BRD1: variants seen among roughly 807,000 people sequenced by gnomAD.
The protein encoded by BRD1 is bromodomain containing 1.
In BRD1, 24 loss-of-function variants were observed where a neutral mutation model predicts 107.7. The ratio of observed to expected loss-of-function variants is 0.22; its 90% confidence interval spans 0.16 to 0.31. The LOEUF is 0.31. Ranked by LOEUF, BRD1 falls within the 10% of genes least tolerant of loss-of-function variation. BRD1 has a pLI of 1.00. For synonymous variants in BRD1, 744 were observed against 686.1 expected, an observed-to-expected ratio of 1.08 and a Z score of -1.32; for missense variants, 1,279 against 1,638.6, an observed-to-expected ratio of 0.78 and a Z score of 3.79.
rs571392687 is a variant in BRD1 at position 49,825,144 on chromosome 22, G to A, written c.-14-813C>T. ...CTCCTCAAGCCCCACTGAGACCATG[G>A]TGCTGGCCACGTCCTCCTCCTTCCA... On this transcript the variant is annotated intron_variant, in intron 1 of 12. Coordinates refer to ENST00000404760, the MANE Select transcript of BRD1 (RefSeq NM_001304808.3). Among the ~76,000 whole-genome samples the A allele has an allele frequency of 5.3e-5, 8 of 152,278 alleles. No homozygotes were observed. In the South Asian group the frequency reaches 1.5e-3, roughly 28 times the overall value.
intron 3 of BRD1, among the ~76,000 whole-genome samples, chr22:49,802,817 G>T (rs2059666803): frequency 6.6e-6 from 1 of 152,276 alleles, no homozygotes; most frequent in Non-Finnish European, 1.5e-5. Flanking sequence ...AGGCTACGAG[G>T]TGAGGACAGA....
intron 7 of BRD1, among the ~76,000 whole-genome samples, chr22:49,788,192 CTG>C (rs2059366123): frequency 6.6e-6 from 1 of 152,190 alleles, no homozygotes; most frequent in African/African-American, 2.4e-5. Flanking sequence ...ATGACAGTTT[CTG>C]CAATGAATAA....
At position 49,787,846 on chromosome 22, in the gene BRD1, G is replaced by A. The variant is rs1484775359; in HGVS notation, c.2401C>T (p.Pro801Ser). The change falls in exon 8 of 13, where the codon CCT becomes TCT. Residue 801 changes from proline to serine, a missense_variant. Around this residue, in one of 7 missense-constraint regions of BRD1, gnomAD observed 406 missense variants for 519.4 expected, o/e 0.78. Coordinates refer to ENST00000404760, the MANE Select transcript of BRD1 (RefSeq NM_001304808.3). ...PPKLEPSDAL[P>S]LPSNSETNSE... The stretch of plus-strand genomic sequence containing the variant: ...TTAGTCTCCGAGTTTGAAGGAAGAG[G>A]TAATGCATCTGATGGTTCAAGTTTA... 3 of 1,548,856 alleles carry A rather than the reference G, an allele frequency of 1.9e-6. No homozygotes were observed. Among genetic ancestry groups the A allele is most frequent in the Non-Finnish European group, 2.6e-6 (3 of 1,145,570 alleles).
In BRD1 at chr22:49,794,048, T is replaced by G. The variant is rs2059484755; in HGVS notation, c.2345A>C (p.Glu782Ala). ...FEEDGAALGP[E>A]AGEEGDKSPP... is the part of the protein sequence containing the mutation. ...CCGTGGCTTACCTTCCTCGCCCGCC[T>G]CCGGCCCCAGCGCAGCTCCGTCCTC... The change falls in exon 7 of 13, where the codon GAG (glutamate) becomes GCG (alanine). Residue 782 changes from glutamate to alanine, a missense_variant. Transcript: ENST00000404760. 4 of 1,612,930 alleles carry G rather than the reference T, an allele frequency of 2.5e-6. No individual in the cohort carries two copies. In the East Asian group the frequency reaches 8.9e-5, roughly 36 times the overall value.
At chr22:49,801,147 C>T (rs549265120) in intron 3 of BRD1, among the ~76,000 whole-genome samples, 3 of 152,224 alleles carry the variant, frequency 2.0e-5, no homozygotes, top group African/African-American at 7.2e-5. Context: ...CTGCAGGATG[C>T]GCTCCCAGGA....
At chr22:49,800,838 C>T (rs1356241683) in intron 3 of BRD1, among the ~76,000 whole-genome samples, 4 of 152,242 alleles carry the variant, frequency 2.6e-5, no homozygotes, top group African/African-American at 4.8e-5. Context: ...TCCCCACTGC[C>T]GGGAAGAAGC....
At chr22:49,797,503 C>T (rs904760484) in intron 6 of BRD1, among the ~76,000 whole-genome samples, 2 of 152,112 alleles carry the variant, frequency 1.3e-5, no homozygotes, top group Non-Finnish European at 2.9e-5. Context: ...AGGTGCTGAG[C>T]GTAAAATACA....
chr22:49,807,842 A>C (rs2059773793), intron 2 of BRD1, among the ~76,000 whole-genome samples: 1 of 152,248 alleles, frequency 6.6e-6, no homozygotes, highest in African/African-American at 2.4e-5. Flanking sequence ...CGTATCTGAA[A>C]TGGGATTAAT....
Position 49,819,777 on chromosome 22 carries a change from G to A in BRD1, c.1367+3174C>T, listed in dbSNP as rs1231718811. Among the ~76,000 whole-genome samples, 5 of 151,974 alleles carry A rather than the reference G, an allele frequency of 3.3e-5. No individual in the cohort carries two copies. In the South Asian group the frequency reaches 8.3e-4, roughly 25 times the overall value. On this transcript the variant is annotated intron_variant, in intron 2 of 12. Transcript: ENST00000404760. Reference sequence around the variant, plus strand: ...CTGTTTTTCAAAGTGTTTATTTACCGCTGTTATTATTTAATCATAGTATAT... The same window carrying A: ...CTGTTTTTCAAAGTGTTTATTTACCACTGTTATTATTTAATCATAGTATAT...
rs190921024 is a variant in BRD1, at chr22:49,794,908, A to G, written c.2099-614T>C. Among the ~76,000 whole-genome samples, 311 of 152,350 alleles carry G rather than the reference A, an allele frequency of 2.0e-3. 2 individuals are homozygous for G. The highest frequency in any genetic ancestry group is 3.6e-3 in the Non-Finnish European group (244 of 68,040). On this transcript the variant is annotated intron_variant, in intron 6 of 12. Coordinates refer to ENST00000404760, the MANE Select transcript of BRD1 (RefSeq NM_001304808.3). ...CTTTCAAAAACACCAAAATTTATAA[A>G]GCACAAATTACCTTAAATAAGTAAG...
intron 1 of BRD1, among the ~76,000 whole-genome samples, chr22:49,827,119 T>C (rs977557049): frequency 2.0e-5 from 3 of 150,200 alleles, no homozygotes; most frequent in Non-Finnish European, 4.4e-5. Flanking sequence ...CCCGGCCGGC[T>C]CGGCGGCTGC....
intron 8 of BRD1, among the ~76,000 whole-genome samples, chr22:49,779,635 C>A (rs983485090): frequency 2.1e-4 from 32 of 152,206 alleles, no homozygotes; most frequent in African/African-American, 7.7e-4. Context: ...GAGCCACACG[C>A]TGAGCTGCCC....
At position 49,823,524 on chromosome 22, in the gene BRD1, C is replaced by G. The variant is rs1474953282; in HGVS notation, c.794G>C (p.Arg265Pro). 6.2e-7 allele frequency: 1 copy of G among 1,601,012 alleles called. No homozygotes were observed. Among genetic ancestry groups the G allele is most frequent in the Admixed American group, 1.7e-5 (1 of 59,720 alleles). ...CAGCACACAGTCGGCGGGCCGGGCC[C>G]GCGACTGCAGGCAGTGGCGGCAGAG... ...QWLCRHCLQSRARPADCVLCP... is the reference protein window; with the variant it reads ...QWLCRHCLQSPARPADCVLCP... The change falls in exon 2 of 13, where the codon CGG becomes CCG. Residue 265 changes from arginine (R) to proline (P), a missense_variant. Arg to Pro is a moderately radical substitution (Grantham distance 103). Around this residue, in one of 7 missense-constraint regions of BRD1, gnomAD observed 158 missense variants for 310.2 expected, o/e 0.51. Transcript: ENST00000404760.
chr22:49,817,671 C>T (rs2059979435), intron 2 of BRD1: 2 of 226,144 alleles, frequency 8.8e-6, no homozygotes, highest in South Asian at 8.4e-5. Flanking sequence ...ACTGCCTTTA[C>T]CAACAAGACT....
Position 49,802,143 on chromosome 22 carries a change from C to T in BRD1, c.1524+2061G>A, listed in dbSNP as rs1429860665. Among the ~76,000 whole-genome samples, 5 of 151,820 alleles carry T rather than the reference C, an allele frequency of 3.3e-5. No individual in the cohort carries two copies. The South Asian group carries it at 1.0e-3, about 32-fold the overall frequency. The stretch of plus-strand genomic sequence containing the variant: ...TCCCCAACATCGCAGGGGCGGAGAC[C>T]AATGCCTCCACTCTCTTCCTTTCCC... On this transcript the variant is annotated intron_variant, in intron 3 of 12. Coordinates refer to ENST00000404760, the MANE Select transcript of BRD1 (RefSeq NM_001304808.3).
chr22:49,803,362 T>G lies in BRD1; in HGVS notation c.1524+842A>C, dbSNP rs1031029168. On this transcript the variant is annotated intron_variant, in intron 3 of 12. Coordinates refer to ENST00000404760, the MANE Select transcript of BRD1 (RefSeq NM_001304808.3). The surrounding 1 kb of genome is among the most constrained non-coding windows in gnomAD (Gnocchi z 4.4). ...CCCAGGATGGCAGTGAAAAGCACCA[T>G]GAGGAAATTCCAAGAGGCACTCAGG... is the stretch of plus-strand genomic sequence containing the variant. Among the ~76,000 whole-genome samples, 6 of 152,140 alleles carry G rather than the reference T, an allele frequency of 3.9e-5. No individual in the cohort carries two copies. The highest frequency in any genetic ancestry group is 1.9e-4 in the East Asian group (1 of 5,190).
chr22:49,817,573 G>C (rs868500420), intron 2 of BRD1: 4 of 196,578 alleles, frequency 2.0e-5, no homozygotes, highest in Middle Eastern at 2.9e-3. Context: ...AGACTGCTCT[G>C]TTCACCTCCA....
intron 3 of BRD1, among the ~76,000 whole-genome samples, chr22:49,799,428 G>A (rs2059599620): frequency 1.3e-5 from 2 of 152,196 alleles, no homozygotes; most frequent in Admixed American, 6.5e-5. Flanking sequence ...CGGCGGGGGG[G>A]GCCTTCACAG....
At position 49,811,880 on chromosome 22, in the gene BRD1, T is replaced by C. The variant is rs145460964; in HGVS notation, c.1368-7520A>G. The stretch of plus-strand genomic sequence containing the variant: ...AATTCCTAGGCTATGGGTGGGTTTG[T>C]GGGCATTGCTATTTACATTTATGGT... On this transcript the variant is annotated intron_variant, in intron 2 of 12. Transcript: ENST00000404760. 2.6e-5 allele frequency among the ~76,000 whole-genome samples: 4 copies of C among 152,334 alleles called. 1 individual carries two copies. Among genetic ancestry groups the C allele is most frequent in the East Asian group, 3.9e-4 (2 of 5,190 alleles).
Sources: allele counts gnomAD v4.1 joint callset (sites outside exome capture counted in the v4.1 genomes callset), GRCh38; gene constraint gnomAD v4.1.1; regional missense constraint gnomAD v4.1.1; non-coding constraint Gnocchi (gnomAD v3.1); transcripts MANE v1.5; gene names NCBI Gene and HGNC (gene_info 2026-07-23, HGNC 2026-07-21).